Variants in STX11 observed in about 807,000 individuals in gnomAD.
The protein encoded by STX11 is syntaxin-11.
A neutral mutation model predicts 19.9 loss-of-function variants in STX11; 21 were observed. That is an observed-to-expected ratio of 1.06 (90% CI 0.75 to 1.52). The LOEUF is 1.52. Ranked by LOEUF, STX11 falls within the 40% of genes most tolerant of loss-of-function variation. STX11 has a pLI of 0.00. For missense variants in STX11, 438 were observed against 405.9 expected, an observed-to-expected ratio of 1.08 and a Z score of -0.68; for synonymous variants, 193 against 174.4, an observed-to-expected ratio of 1.11 and a Z score of -0.84.
chr6:144,173,568 A>G (rs1175624624), intron 1 of STX11, among the ~76,000 whole-genome samples: 1 of 152,174 alleles, frequency 6.6e-6, no homozygotes, highest in African/African-American at 2.4e-5. Context: ...AAACTAGATG[A>G]TTCAATTTTT....
In STX11 at chr6:144,187,171, G is replaced by C. The variant is rs984594291; in HGVS notation, c.544G>C (p.Glu182Gln). Reference sequence around the variant, plus strand: ...GGGCGACCAGATCGAGGACATGTTCGAGCAGGGTAAGTGGGACGTGTTTTC... The same window carrying C: ...GGGCGACCAGATCGAGGACATGTTCCAGCAGGGTAAGTGGGACGTGTTTTC... ...VSGDQIEDMF[E>Q]QGKWDVFSEN... Residue 182 changes from glutamate to glutamine, a missense_variant, in exon 2 of 2, where the codon GAG (glutamate) becomes CAG (glutamine). Coordinates refer to ENST00000367568, the MANE Select transcript of STX11 (RefSeq NM_003764.4). The surrounding 1 kb of genome is among the most constrained non-coding windows in gnomAD (Gnocchi z 5.6). 1 of 1,614,024 alleles carries C rather than the reference G, an allele frequency of 6.2e-7. No individual in the cohort carries two copies. Among genetic ancestry groups the C allele is most frequent in the Non-Finnish European group, 8.5e-7 (1 of 1,180,006 alleles).
chr6:144,179,528 C>G (rs60482091), intron 1 of STX11, among the ~76,000 whole-genome samples: 1 of 152,146 alleles, frequency 6.6e-6, no homozygotes, highest in Admixed American at 6.5e-5. Flanking sequence ...TGTGGAATTT[C>G]TAGGTGCCTC....
chr6:144,163,079 G>A (rs964713643), intron 1 of STX11, among the ~76,000 whole-genome samples: 1 of 152,128 alleles, frequency 6.6e-6, no homozygotes, highest in Non-Finnish European at 1.5e-5. Flanking sequence ...TAAATTCATT[G>A]TAAATACATA....
upstream of STX11, among the ~76,000 whole-genome samples, chr6:144,146,768 G>A (rs1431018109): frequency 6.6e-6 from 1 of 152,066 alleles, no homozygotes; most frequent in Non-Finnish European, 1.5e-5. This position sits in a 1 kb window ranked among gnomAD's most constrained non-coding sequence, Gnocchi z 4.4. Flanking sequence ...TGTTGCCCAG[G>A]CTGGTCTCTA....
chr6:144,148,075 A>G (rs1800909076), upstream of STX11, among the ~76,000 whole-genome samples: 1 of 152,148 alleles, frequency 6.6e-6, no homozygotes, highest in Admixed American at 6.6e-5. Context: ...TCTGTCCTCA[A>G]CAAAACGGTA....
chr6:144,184,122 G>A lies in STX11; in HGVS notation c.-5-2501G>A, dbSNP rs1434533048. ...ATTGATGGGCATTTGGGTTGGTTCCGTGTCTTTGCTATTGTGAATAGGGCT... is the reference window on the plus strand; with the variant it reads ...ATTGATGGGCATTTGGGTTGGTTCCATGTCTTTGCTATTGTGAATAGGGCT... On this transcript the variant is annotated intron_variant, in intron 1 of 1. Transcript: ENST00000367568. This position sits in a 1 kb window ranked among gnomAD's most constrained non-coding sequence, Gnocchi z 6.5. Among the ~76,000 whole-genome samples, 3 of 152,288 alleles carry A rather than the reference G, an allele frequency of 2.0e-5. No individual in the cohort carries two copies. The highest frequency in any genetic ancestry group is 2.1e-4 in the South Asian group (1 of 4,822).
rs944098753 is a variant in STX11, at chr6:144,172,339, A to G, written c.-5-14284A>G. Among the ~76,000 whole-genome samples the G allele has an allele frequency of 5.9e-5, 9 of 152,190 alleles. No homozygotes were observed. Among genetic ancestry groups the G allele is most frequent in the Admixed American group, 1.3e-4 (2 of 15,278 alleles). On this transcript the variant is annotated intron_variant, in intron 1 of 1. Transcript: ENST00000367568. The surrounding 1 kb of genome is among the most constrained non-coding windows in gnomAD (Gnocchi z 4.2). ...AGGTGGGTCAGCTGGGGGCTGGCCTAGCTCTCCGTGCGGTCTTCACCCTCC... is the reference window on the plus strand; with the variant it reads ...AGGTGGGTCAGCTGGGGGCTGGCCTGGCTCTCCGTGCGGTCTTCACCCTCC...
rs956701018 is a variant in STX11 at position 144,174,601 on chromosome 6, C to T, written c.-5-12022C>T. On this transcript the variant is annotated intron_variant, in intron 1 of 1. Coordinates refer to ENST00000367568, the MANE Select transcript of STX11 (RefSeq NM_003764.4). This position sits in a 1 kb window ranked among gnomAD's most constrained non-coding sequence, Gnocchi z 5.3. ...CAGGCTGGTCTTGAACTCCTGGGCACAAGCGATCCACCCGCCTTGGCCTCC... is the reference window on the plus strand; with the variant it reads ...CAGGCTGGTCTTGAACTCCTGGGCATAAGCGATCCACCCGCCTTGGCCTCC... Among the ~76,000 whole-genome samples the T allele has an allele frequency of 2.6e-5, 4 of 152,042 alleles. No individual in the cohort carries two copies. Among genetic ancestry groups the T allele is most frequent in the African/African-American group, 9.7e-5 (4 of 41,390 alleles).
intron 1 of STX11, among the ~76,000 whole-genome samples, chr6:144,157,402 T>G (rs551912933): frequency 6.4e-4 from 97 of 152,276 alleles, no homozygotes; most frequent in Admixed American, 2.0e-3. Flanking sequence ...CAGCCAACCT[T>G]CCTAGTACCT....
chr6:144,179,788 T>C (rs1801861983), intron 1 of STX11, among the ~76,000 whole-genome samples: 1 of 152,254 alleles, frequency 6.6e-6, no homozygotes, highest in African/African-American at 2.4e-5. Context: ...AGGCACCCTA[T>C]AGACCAATAG....
rs1202833584 is a variant in STX11 at position 144,152,715 on chromosome 6, C to A, written c.-6+2012C>A. On this transcript the variant is annotated intron_variant, in intron 1 of 1. Coordinates refer to ENST00000367568, the MANE Select transcript of STX11 (RefSeq NM_003764.4). This position sits in a 1 kb window ranked among gnomAD's most constrained non-coding sequence, Gnocchi z 4.9. Reference sequence around the variant, plus strand: ...GTGGTGCAATCTTGGCTCACTGCAACCTCCACCTCCTGCGTTTAAGCAATT... The same window carrying A: ...GTGGTGCAATCTTGGCTCACTGCAAACTCCACCTCCTGCGTTTAAGCAATT... Among the ~76,000 whole-genome samples, 1 of 152,180 alleles carries A rather than the reference C, an allele frequency of 6.6e-6. No individual in the cohort carries two copies. The highest frequency in any genetic ancestry group is 2.4e-5 in the African/African-American group (1 of 41,444).
In STX11 at chr6:144,184,814, T is replaced by A. The variant is rs1030907244; in HGVS notation, c.-5-1809T>A. ...TCTGTCATTTACATCTTCTCTGAAT[T>A]GCTTCACTGTCTTTGGGTAAGTAGA... On this transcript the variant is annotated intron_variant, in intron 1 of 1. Coordinates refer to ENST00000367568, the MANE Select transcript of STX11 (RefSeq NM_003764.4). The surrounding 1 kb of genome is among the most constrained non-coding windows in gnomAD (Gnocchi z 6.5). Among the ~76,000 whole-genome samples, 10 of 152,228 alleles carry A rather than the reference T, an allele frequency of 6.6e-5. No individual in the cohort carries two copies. Among genetic ancestry groups the A allele is most frequent in the African/African-American group, 2.4e-4 (10 of 41,458 alleles).
intron 1 of STX11, among the ~76,000 whole-genome samples, chr6:144,156,981 A>T (rs1251881804): frequency 1.3e-5 from 2 of 152,186 alleles, no homozygotes; most frequent in African/African-American, 4.8e-5. Context: ...ACACCTGGAG[A>T]GATTAAGTGA....
the STX11 span, among the ~76,000 whole-genome samples, chr6:144,143,057 A>G: frequency 1.3e-5 from 2 of 152,228 alleles, no homozygotes; most frequent in African/African-American, 2.4e-5. Flanking sequence ...TCAAAACACT[A>G]AAAGATTTCT....
At chr6:144,186,565 T>A in intron 1 of STX11, 58 bp from the exon 2 acceptor site, 1 of 1,611,512 alleles carries the variant, frequency 6.2e-7, no homozygotes, top group Non-Finnish European at 8.5e-7. Context: ...TTCAATCCCT[T>A]GAAGGCAAAT....
Position 144,155,286 on chromosome 6 carries a change from C to T in STX11, c.-6+4583C>T, listed in dbSNP as rs1562654966. Among the ~76,000 whole-genome samples the T allele has an allele frequency of 6.6e-6, 1 of 152,124 alleles. No homozygotes were observed. The highest frequency in any genetic ancestry group is 1.5e-5 in the Non-Finnish European group (1 of 68,014). ...TCACTTATTGAAGCTTTAAAATGTTCAAATGTCCACTTTGGGAGGCTGAGG... is the reference window on the plus strand; with the variant it reads ...TCACTTATTGAAGCTTTAAAATGTTTAAATGTCCACTTTGGGAGGCTGAGG... On this transcript the variant is annotated intron_variant, in intron 1 of 1. Coordinates refer to ENST00000367568, the MANE Select transcript of STX11 (RefSeq NM_003764.4). This position sits in a 1 kb window ranked among gnomAD's most constrained non-coding sequence, Gnocchi z 4.5.
chr6:144,175,187 G>A lies in STX11; in HGVS notation c.-5-11436G>A, dbSNP rs559606705. Among the ~76,000 whole-genome samples, 1 of 151,960 alleles carries A rather than the reference G, an allele frequency of 6.6e-6. No individual in the cohort carries two copies. The highest frequency in any genetic ancestry group is 2.1e-4 in the South Asian group (1 of 4,796). On this transcript the variant is annotated intron_variant, in intron 1 of 1. Coordinates refer to ENST00000367568, the MANE Select transcript of STX11 (RefSeq NM_003764.4). The surrounding 1 kb of genome is among the most constrained non-coding windows in gnomAD (Gnocchi z 5.1). ...AAACATAGGAGGCAGAGGCTGCAGT[G>A]AGCCATGATTGTGCCACTGTACTCC...
At chr6:144,140,998 C>T in the STX11 span, among the ~76,000 whole-genome samples, 2 of 152,152 alleles carry the variant, frequency 1.3e-5, no homozygotes, top group Non-Finnish European at 2.9e-5. Context: ...AAAGGCATGG[C>T]TTATGTGTTA....
rs1802037590 is a variant in STX11, at chr6:144,186,502, A to G, written c.-5-121A>G. 22 of 1,237,506 alleles carry G rather than the reference A, an allele frequency of 1.8e-5. No homozygotes were observed. The Admixed American group carries it at 4.2e-4, about 24-fold the overall frequency. 76.7% of individuals were successfully genotyped at this position (1,237,506 alleles called of 1,614,324 possible). A position where few individuals can be genotyped will look rare whatever the true frequency, so the allele number is the denominator to read the frequency against. Reference sequence around the variant, plus strand: ...AACATTTAGCTCCTTTAGTGCACTTATTGCCCACACCGAGGAATACAAAAT... The same window carrying G: ...AACATTTAGCTCCTTTAGTGCACTTGTTGCCCACACCGAGGAATACAAAAT... On this transcript the variant is annotated intron_variant, in intron 1 of 1. Coordinates refer to ENST00000367568, the MANE Select transcript of STX11 (RefSeq NM_003764.4).
Sources: allele counts gnomAD v4.1 joint callset (sites outside exome capture counted in the v4.1 genomes callset), GRCh38; gene constraint gnomAD v4.1.1; non-coding constraint Gnocchi (gnomAD v3.1); transcripts MANE v1.5; gene names NCBI Gene and HGNC (gene_info 2026-07-23, HGNC 2026-07-21).